Variants in FHIT observed in about 807,000 individuals in gnomAD.
FHIT encodes bis(5'-adenosyl)-triphosphatase.
Under a neutral mutation model 17.9 loss-of-function variants are expected in FHIT, and 19 were observed. The observed-to-expected ratio is 1.06, with a 90% CI of 0.74 to 1.56. FHIT has a LOEUF of 1.56. FHIT is among the 40% of genes most tolerant of loss of function. The probability of loss-of-function intolerance (pLI) is 0.00; values close to 1 mark genes in which losing one functional copy is unlikely to be tolerated. For synonymous variants in FHIT, 81 were observed against 69.7 expected (o/e 1.16, Z -0.81); for missense variants, 248 against 189.2 (o/e 1.31, Z -1.82).
intron 5 of FHIT, among the ~76,000 whole-genome samples, chr3:60,027,157 T>A (rs1225189940): frequency 3.3e-4 from 38 of 114,064 alleles, no homozygotes; most frequent in East Asian, 9.0e-4. Context: ...ACAAAATTAG[T>A]AAACCCAATA....
intron 4 of FHIT, among the ~76,000 whole-genome samples, chr3:60,634,828 G>C (rs1553683358): frequency 6.6e-6 from 1 of 152,180 alleles, no homozygotes; most frequent in African/African-American, 2.4e-5. Flanking sequence ...ACAGGGATTT[G>C]TTTTAACATG....
chr3:60,338,637 T>C (rs1419921406), intron 5 of FHIT, among the ~76,000 whole-genome samples: 1 of 152,222 alleles, frequency 6.6e-6, no homozygotes, highest in Non-Finnish European at 1.5e-5. Flanking sequence ...TTGCAGTTAC[T>C]AGACCACTTA....
At chr3:60,261,945 T>C (rs1159549690) in intron 5 of FHIT, among the ~76,000 whole-genome samples, 4 of 152,072 alleles carry the variant, frequency 2.6e-5, no homozygotes, top group Non-Finnish European at 5.9e-5. Flanking sequence ...CAGCCCAGTT[T>C]ATTACCATTA....
At chr3:60,057,622 G>A (rs1702132691) in intron 5 of FHIT, among the ~76,000 whole-genome samples, 1 of 151,886 alleles carries the variant, frequency 6.6e-6, no homozygotes, top group African/African-American at 2.4e-5. Context: ...TGACCTTTGT[G>A]GTCTTAATGC....
chr3:61,095,990 G>A lies in FHIT; in HGVS notation c.-163-53891C>T, dbSNP rs78874904. 4.5e-3 allele frequency among the ~76,000 whole-genome samples: 682 copies of A among 152,302 alleles called. 5 individuals carry two copies. Among genetic ancestry groups the A allele is most frequent in the African/African-American group, 0.016 (652 of 41,570 alleles). On this transcript the variant is annotated intron_variant, in intron 2 of 9. Coordinates refer to ENST00000492590, the MANE Select transcript of FHIT (RefSeq NM_002012.4). ...AAGTTTCTCTTACCCTAGAATAGTAGTGAAGAAAAAAGGACCTCATCTGCA... is the reference window on the plus strand; with the variant it reads ...AAGTTTCTCTTACCCTAGAATAGTAATGAAGAAAAAAGGACCTCATCTGCA...
chr3:60,859,772 G>T (rs577323801), intron 3 of FHIT, among the ~76,000 whole-genome samples: 6 of 85,870 alleles, frequency 7.0e-5, no homozygotes, highest in African/African-American at 2.7e-4. Flanking sequence ...TGCCGAGCAC[G>T]GTGGCTCATG....
At chr3:60,037,107 C>A (rs1181275715) in intron 5 of FHIT, among the ~76,000 whole-genome samples, 1 of 152,232 alleles carries the variant, frequency 6.6e-6, no homozygotes, top group Non-Finnish European at 1.5e-5. Flanking sequence ...ACATCATTAA[C>A]AAGAGCTAAC....
At chr3:61,250,809 T>C (rs997586528) in intron 1 of FHIT, among the ~76,000 whole-genome samples, 4 of 152,224 alleles carry the variant, frequency 2.6e-5, no homozygotes, top group Non-Finnish European at 5.9e-5. Context: ...TTTGAAGTAG[T>C]AATGTAAAAT....
chr3:60,776,401 C>CCT (rs1479778830), intron 4 of FHIT, among the ~76,000 whole-genome samples: 1 of 152,164 alleles, frequency 6.6e-6, no homozygotes, highest in Non-Finnish European at 1.5e-5. Context: ...AAGTCTGGTA[C>CCT]CTTTCAGTTC....
At chr3:60,628,540 CCA>C (rs2039354799) in intron 4 of FHIT, among the ~76,000 whole-genome samples, 1 of 152,160 alleles carries the variant, frequency 6.6e-6, no homozygotes, top group Non-Finnish European at 1.5e-5. Context: ...ATAAATTTCT[CCA>C]CAGTCTGACC....
intron 3 of FHIT, among the ~76,000 whole-genome samples, chr3:61,023,038 A>T (rs1369088313): frequency 6.6e-6 from 1 of 152,218 alleles, no homozygotes; most frequent in African/African-American, 2.4e-5. Context: ...AAATAGGAAG[A>T]GAGGAAGTCA....
chr3:60,252,913 C>G (rs916528571), intron 5 of FHIT, among the ~76,000 whole-genome samples: 8 of 151,948 alleles, frequency 5.3e-5, no homozygotes, highest in African/African-American at 1.7e-4. Flanking sequence ...CAGGAGAATG[C>G]CGTGAACCCA....
chr3:60,597,149 T>C (rs2038296881), intron 4 of FHIT, among the ~76,000 whole-genome samples: 1 of 152,078 alleles, frequency 6.6e-6, no homozygotes, highest in African/African-American at 2.4e-5. Context: ...AAGATAATGG[T>C]TGGGGGAGGA....
chr3:60,867,571 C>A (rs577661735), intron 3 of FHIT, among the ~76,000 whole-genome samples: 1 of 152,288 alleles, frequency 6.6e-6, no homozygotes, highest in African/African-American at 2.4e-5. Context: ...TCCAGTTCTC[C>A]TTTAGCCCCA....
At chr3:60,122,221 A>C (rs1705291849) in intron 5 of FHIT, among the ~76,000 whole-genome samples, 1 of 152,196 alleles carries the variant, frequency 6.6e-6, no homozygotes, top group Admixed American at 6.5e-5. Context: ...ATTCTAATAA[A>C]AACATTATAT....
intron 5 of FHIT, among the ~76,000 whole-genome samples, chr3:60,117,031 T>C (rs1420477419): frequency 6.6e-6 from 1 of 152,174 alleles, no homozygotes; most frequent in Non-Finnish European, 1.5e-5. Flanking sequence ...ATCCACTCTG[T>C]CCCAATCCTT....
At chr3:60,992,621 G>T (rs950097978) in intron 3 of FHIT, among the ~76,000 whole-genome samples, 7 of 152,214 alleles carry the variant, frequency 4.6e-5, no homozygotes, top group African/African-American at 1.7e-4. Context: ...CGGCTTAGCA[G>T]CAGGACAATG....
intron 2 of FHIT, among the ~76,000 whole-genome samples, chr3:61,102,137 T>C (rs2035851610): frequency 6.6e-6 from 1 of 152,198 alleles, no homozygotes; most frequent in African/African-American, 2.4e-5. Flanking sequence ...TGTGCCAGTT[T>C]TCAAAGGGAA....
chr3:60,638,134 T>A (rs73835793), intron 4 of FHIT, among the ~76,000 whole-genome samples: 1 of 152,210 alleles, frequency 6.6e-6, no homozygotes, highest in Non-Finnish European at 1.5e-5. Context: ...CACCAACTTA[T>A]GATTTAGAAA....
Sources: allele counts gnomAD v4.1 joint callset (sites outside exome capture counted in the v4.1 genomes callset), GRCh38; gene constraint gnomAD v4.1.1; transcripts MANE v1.5; gene names NCBI Gene and HGNC (gene_info 2026-07-23, HGNC 2026-07-21).